The following COL5A1 variants were observed in gnomAD, a reference collection of about 807,000 sequenced individuals.
COL5A1 encodes collagen type V alpha 1 chain.
A neutral mutation model predicts 263.7 loss-of-function variants in COL5A1; 16 were observed. The ratio of observed to expected loss-of-function variants is 0.06; its 90% CI spans 0.04 to 0.09. The LOEUF is 0.09. COL5A1 is among the 10% of genes least tolerant of loss of function. The pLI is 1.00. For synonymous variants in COL5A1, 1,012 were observed against 1,004.5 expected (o/e 1.01, Z -0.14); for missense variants, 2,036 against 2,540.5 (o/e 0.80, Z 4.27).
chr9:134,657,968 G>A (rs1035429667), intron 1 of COL5A1, among the ~76,000 whole-genome samples: 12 of 151,978 alleles, frequency 7.9e-5, no homozygotes, highest in African/African-American at 2.9e-4. Context: ...CCTGTCGGGT[G>A]GGCTTCACTG....
rs927355655 is a variant in COL5A1, at chr9:134,818,315, C to T, written c.4231-341C>T. On this transcript the variant is annotated intron_variant, in intron 54 of 65. Coordinates refer to ENST00000371817, the MANE Select transcript of COL5A1 (RefSeq NM_000093.5). The surrounding 1 kb of genome is among the most constrained non-coding windows in gnomAD (Gnocchi z 6.0). Reference sequence around the variant, plus strand: ...TTCTGTCAGTGAGGTGATGGCGGCCCGGCCTGGCACTGTCTGCCTCCCTCC... The same window carrying T: ...TTCTGTCAGTGAGGTGATGGCGGCCTGGCCTGGCACTGTCTGCCTCCCTCC... Among the ~76,000 whole-genome samples the T allele has an allele frequency of 5.9e-5, 9 of 152,182 alleles. No homozygotes were observed. Among genetic ancestry groups the T allele is most frequent in the Non-Finnish European group, 8.8e-5 (6 of 68,016 alleles).
In COL5A1 at chr9:134,696,532, T is replaced by G. The variant is rs1833475208; in HGVS notation, c.278-3377T>G. Among the ~76,000 whole-genome samples, 1 of 152,032 alleles carries G rather than the reference T, an allele frequency of 6.6e-6. No homozygotes were observed. Among genetic ancestry groups the G allele is most frequent in the African/African-American group, 2.4e-5 (1 of 41,400 alleles). On this transcript the variant is annotated intron_variant, in intron 2 of 65. Transcript: ENST00000371817. This position sits in a 1 kb window ranked among gnomAD's most constrained non-coding sequence, Gnocchi z 4.3. ...ATGATTTCTGTTTGTATCGTGGGAG[T>G]ATCACTTTCTGAGGTCAGGGACCAT... is the stretch of plus-strand genomic sequence containing the variant.
chr9:134,691,207 G>A, intron 2 of COL5A1, 128 bp downstream of exon 2: 6 of 1,217,556 alleles, frequency 4.9e-6, no homozygotes, highest in Non-Finnish European at 7.0e-6. Context: ...CCTCTCACGA[G>A]CCCGGCTTCG....
rs1253260348 is a variant in COL5A1, at chr9:134,680,169, G to A, written c.110-10743G>A. Among the ~76,000 whole-genome samples the A allele has an allele frequency of 2.0e-5, 3 of 152,192 alleles. No homozygotes were observed. The highest frequency in any genetic ancestry group is 4.4e-5 in the Non-Finnish European group (3 of 68,028). Reference sequence around the variant, plus strand: ...TCTTCAGCAAGGAATGATGAGCTGGGAGCCATGAACAAGCGCAGTGCCTCT... The same window carrying A: ...TCTTCAGCAAGGAATGATGAGCTGGAAGCCATGAACAAGCGCAGTGCCTCT... On this transcript the variant is annotated intron_variant, in intron 1 of 65. Transcript: ENST00000371817. The surrounding 1 kb of genome is among the most constrained non-coding windows in gnomAD (Gnocchi z 5.9).
chr9:134,825,689 T>C (rs1839236974), intron 62 of COL5A1, 103 bp from the exon 63 acceptor site: 2 of 740,212 alleles, frequency 2.7e-6, no homozygotes, highest in Non-Finnish European at 2.4e-6. Flanking sequence ...TCCTGGGGCG[T>C]GCATTTTAAC....
chr9:134,703,027 A>T (rs1833724926), intron 4 of COL5A1, among the ~76,000 whole-genome samples: 1 of 152,242 alleles, frequency 6.6e-6, no homozygotes, highest in South Asian at 2.1e-4. Flanking sequence ...CCCGCGGCCC[A>T]GTGCAGACCG....
chr9:134,712,805 T>C (rs555022411), intron 4 of COL5A1, among the ~76,000 whole-genome samples: 18 of 152,066 alleles, frequency 1.2e-4, no homozygotes, highest in African/African-American at 3.6e-4. Flanking sequence ...TTTGTTCAAA[T>C]GGCCCCACCC....
At chr9:134,697,623 C>A (rs571761542) in intron 2 of COL5A1, among the ~76,000 whole-genome samples, 4 of 152,052 alleles carry the variant, frequency 2.6e-5, no homozygotes, top group Non-Finnish European at 4.4e-5. Context: ...TCAGGTGAGA[C>A]CCCACCTGGC....
chr9:134,693,601 C>T (rs748090507), intron 2 of COL5A1, among the ~76,000 whole-genome samples: 1 of 152,046 alleles, frequency 6.6e-6, no homozygotes, highest in Non-Finnish European at 1.5e-5. Flanking sequence ...TGGGTTGGGA[C>T]CTGCAGAGGT....
Position 134,642,942 on chromosome 9 carries a change from C to A in COL5A1, c.109+646C>A, listed in dbSNP as rs904173300. On this transcript the variant is annotated intron_variant, in intron 1 of 65. Transcript: ENST00000371817. The surrounding 1 kb of genome is among the most constrained non-coding windows in gnomAD (Gnocchi z 4.5). Reference sequence around the variant, plus strand: ...ATCCCACCCCCAAACTTCTTGATCCCTGGAAGGCAGCTTTTCCTGGATTCG... The same window carrying A: ...ATCCCACCCCCAAACTTCTTGATCCATGGAAGGCAGCTTTTCCTGGATTCG... 2.0e-5 allele frequency among the ~76,000 whole-genome samples: 3 copies of A among 152,242 alleles called. No individual in the cohort carries two copies. The highest frequency in any genetic ancestry group is 7.2e-5 in the African/African-American group (3 of 41,466).
intron 18 of COL5A1, among the ~76,000 whole-genome samples, chr9:134,760,695 GCA>G (rs552716100): frequency 7.0e-4 from 50 of 70,954 alleles, no homozygotes; most frequent in South Asian, 6.8e-3. Context: ...ACTCATACAT[GCA>G]CACACACACC....
chr9:134,756,865 C>G, intron 17 of COL5A1, 47 bp downstream of exon 17: 1 of 1,579,568 alleles, frequency 6.3e-7, no homozygotes, highest in Non-Finnish European at 8.7e-7. Context: ...ACTGTCATCC[C>G]TGGGGTCATG....
chr9:134,809,436 T>G, intron 43 of COL5A1, 146 bp downstream of exon 43: 1 of 715,304 alleles, frequency 1.4e-6, no homozygotes. Flanking sequence ...AGTCCTGGCA[T>G]TAGGGGATGA....
intron 64 of COL5A1, 108 bp from the exon 65 acceptor site, chr9:134,834,863 C>A: frequency 8.7e-6 from 7 of 807,678 alleles, no homozygotes; most frequent in Non-Finnish European, 1.4e-5. Flanking sequence ...CCAGGTAGTT[C>A]CCCCGAGAAG....
intron 8 of COL5A1, 45 bp from the exon 9 acceptor site, chr9:134,732,026 C>T (rs1291876444): frequency 6.2e-7 from 1 of 1,607,460 alleles, no homozygotes; most frequent in Non-Finnish European, 8.5e-7. Flanking sequence ...TTCTTTCTCA[C>T]TTTTCTCTCT....
At chr9:134,738,006 G>T (rs1284375347) in intron 9 of COL5A1, among the ~76,000 whole-genome samples, 8 of 152,176 alleles carry the variant, frequency 5.3e-5, no homozygotes, top group Admixed American at 5.2e-4. Flanking sequence ...GGTGGTCCTG[G>T]CTGGGGACAG....
chr9:134,708,893 C>T lies in COL5A1; in HGVS notation c.654+7560C>T, dbSNP rs1002904513. ...GGACTCTGCCTGCCGCTTCCAGCCC[C>T]GGGTGGCCCCAGACACTCCTTGGCT... On this transcript the variant is annotated intron_variant, in intron 4 of 65. Coordinates refer to ENST00000371817, the MANE Select transcript of COL5A1 (RefSeq NM_000093.5). 29 of 456,674 alleles carry T rather than the reference C, an allele frequency of 6.4e-5. No homozygotes were observed. In the East Asian group the frequency reaches 1.7e-3, roughly 26 times the overall value. 28.3% of individuals were successfully genotyped at this position (456,674 alleles called of 1,614,324 possible).
In COL5A1 at chr9:134,794,322, T is replaced by TAAAA. The variant is rs59916977; in HGVS notation, c.2701-748_2701-745dup. Among the ~76,000 whole-genome samples, 1 of 140,868 alleles carries TAAAA rather than the reference T, an allele frequency of 7.1e-6. No homozygotes were observed. Among genetic ancestry groups the TAAAA allele is most frequent in the Non-Finnish European group, 1.5e-5 (1 of 64,972 alleles). The allele number at this position is 140,868 out of a possible 152,430, so 92.4% of individuals were successfully genotyped here. On this transcript the variant is annotated intron_variant, in intron 32 of 65. Coordinates refer to ENST00000371817, the MANE Select transcript of COL5A1 (RefSeq NM_000093.5). This position sits in a 1 kb window ranked among gnomAD's most constrained non-coding sequence, Gnocchi z 4.3. Reference sequence around the variant, plus strand: ...CCTGGCGGCAGAGCAAGACTCTGTCTAAAAAAAAAAAAAAAGAAACAAAAA... The same window carrying TAAAA: ...CCTGGCGGCAGAGCAAGACTCTGTCTAAAAAAAAAAAAAAAAAAAGAAACAAAAA...
At chr9:134,827,395 C>T (rs1839332327) in intron 63 of COL5A1, among the ~76,000 whole-genome samples, 1 of 152,238 alleles carries the variant, frequency 6.6e-6, no homozygotes, top group African/African-American at 2.4e-5. Flanking sequence ...CCTTGAGAAC[C>T]TGCCTTCCTA....
Sources: allele counts gnomAD v4.1 joint callset (sites outside exome capture counted in the v4.1 genomes callset), GRCh38; gene constraint gnomAD v4.1.1; non-coding constraint Gnocchi (gnomAD v3.1); transcripts MANE v1.5; gene names NCBI Gene and HGNC (gene_info 2026-07-23, HGNC 2026-07-21).